Variants in SLIT3 observed in about 807,000 individuals in gnomAD.
SLIT3 encodes the protein slit homolog 3 protein.
In SLIT3, 68 loss-of-function variants were observed where a neutral mutation model predicts 184.0. That is an observed-to-expected ratio of 0.37 (90% CI 0.30 to 0.45). SLIT3 has a LOEUF of 0.45. Among genes scored for constraint, SLIT3 ranks in the 20% least tolerant of loss-of-function variants. The pLI is 1.00. For synonymous variants in SLIT3, 831 were observed against 828.6 expected, an observed-to-expected ratio of 1.00 and a Z score of -0.05; for missense variants, 1,707 against 2,026.0, an observed-to-expected ratio of 0.84 and a Z score of 3.02.
At position 168,742,628 on chromosome 5, in the gene SLIT3, A is replaced by G. The variant is rs1190314047; in HGVS notation, c.2270+5674T>C. ...TAGAGGAGGAGTCATGACAGTGATA[A>G]CAATCATCATAGCTAATGTGACTGA... On this transcript the variant is annotated intron_variant, in intron 20 of 35. Coordinates refer to ENST00000519560, the MANE Select transcript of SLIT3 (RefSeq NM_003062.4). Among the ~76,000 whole-genome samples, 8 of 128,256 alleles carry G rather than the reference A, an allele frequency of 6.2e-5. 1 individual carries two copies. The highest frequency in any genetic ancestry group is 2.5e-4 in the African/African-American group (8 of 31,690). The allele number at this position is 128,256 out of a possible 152,430, so 84.1% of individuals were successfully genotyped here.
Position 168,753,007 on chromosome 5 carries a change from T to A in SLIT3, c.1921A>T (p.Ile641Phe). Reference protein sequence around the residue: ...VRLLSLYDNRITTITPGAFTT... With the variant: ...VRLLSLYDNRFTTITPGAFTT... Reference sequence around the variant, plus strand: ...AAGGCCCCAGGGGTGATGGTGGTGATCCGATTGTCATAGAGGGACAGCAGT... The same window carrying A: ...AAGGCCCCAGGGGTGATGGTGGTGAACCGATTGTCATAGAGGGACAGCAGT... The change falls in exon 18 of 36, where the codon ATC becomes TTC. Residue 641 changes from isoleucine to phenylalanine, a missense_variant. Ile to Phe is a conservative substitution (Grantham distance 21, BLOSUM62 0). Transcript: ENST00000519560. The A allele has an allele frequency of 6.2e-7, 1 of 1,613,902 alleles. No homozygotes were observed. The highest frequency in any genetic ancestry group is 8.5e-7 in the Non-Finnish European group (1 of 1,179,980).
In SLIT3 at chr5:168,762,683, T is replaced by C. The variant is rs748107046; in HGVS notation, c.1466A>G (p.Glu489Gly). 3 of 1,613,412 alleles carry C rather than the reference T, an allele frequency of 1.9e-6. No individual in the cohort carries two copies. In the South Asian group the frequency reaches 3.3e-5, roughly 18 times the overall value. ...GCTGCTGAACCTGCTGCGGTAATCC[T>C]CGGAGCCTGGGAGGGGCCAAAGAGG... ...KSKKFRCSGS[E>G]DYRSRFSSEC... Residue 489 changes from glutamate to glycine, a missense_variant, in exon 15 of 36, where the codon GAG (glutamate) becomes GGG (glycine). Glu to Gly is a moderately conservative substitution (Grantham distance 98). This residue lies in a region of SLIT3 where 1,307 missense variants were observed against 1,511.6 expected (regional missense o/e 0.86). Transcript: ENST00000519560.
chr5:169,026,052 G>C (rs1756810041), intron 4 of SLIT3, among the ~76,000 whole-genome samples: 1 of 151,996 alleles, frequency 6.6e-6, no homozygotes, highest in African/African-American at 2.4e-5. Flanking sequence ...TTTGACTCTG[G>C]GTTTATTAAC....
In SLIT3 at chr5:168,671,447, T is replaced by C. The variant is rs572940598; in HGVS notation, c.3878A>G (p.Gln1293Arg). 6 of 1,613,222 alleles carry C rather than the reference T, an allele frequency of 3.7e-6. No homozygotes were observed. Among genetic ancestry groups the C allele is most frequent in the Non-Finnish European group, 5.1e-6 (6 of 1,179,804 alleles). Reference protein sequence around the residue: ...PTSTGLSALRQGTDRPLGGFH... With the variant: ...PTSTGLSALRRGTDRPLGGFH... ...GCCGCCTAGAGGCCGGTCCGTGCCC[T>C]GGCGCAAGGCAGAGAGGCCGGTGGA... Residue 1293 changes from glutamine to arginine, a missense_variant, in exon 34 of 36, where the codon CAG (glutamine) becomes CGG (arginine). Transcript: ENST00000519560.
At chr5:169,156,520 AT>A (rs1762310934) in intron 4 of SLIT3, among the ~76,000 whole-genome samples, 1 of 152,224 alleles carries the variant, frequency 6.6e-6, no homozygotes. Flanking sequence ...GGGAAGGCAC[AT>A]CTGTGCCCAT....
At chr5:169,032,450 A>T (rs1461148511) in intron 4 of SLIT3, among the ~76,000 whole-genome samples, 1 of 152,176 alleles carries the variant, frequency 6.6e-6, no homozygotes, top group Non-Finnish European at 1.5e-5. Context: ...AGAATTATAA[A>T]AATAGTCATA....
chr5:168,754,147 C>T (rs1754813106), intron 16 of SLIT3, 140 bp from the exon 17 acceptor site: 1 of 809,820 alleles, frequency 1.2e-6, no homozygotes, highest in South Asian at 1.8e-5. Flanking sequence ...GGAGCTCAGT[C>T]TGGGGCTCCC....
chr5:169,280,882 C>T (rs184742226), intron 1 of SLIT3, among the ~76,000 whole-genome samples: 2 of 152,276 alleles, frequency 1.3e-5, no homozygotes, highest in East Asian at 3.9e-4. Context: ...ATACATATAA[C>T]ACAGTGTGGT....
At chr5:168,911,108 G>A (rs531709288) in intron 4 of SLIT3, among the ~76,000 whole-genome samples, 2 of 152,264 alleles carry the variant, frequency 1.3e-5, no homozygotes, top group Non-Finnish European at 1.5e-5. Flanking sequence ...CTCTCTGCCT[G>A]TAACTCTCCT....
chr5:169,236,530 G>A (rs1468006338), intron 3 of SLIT3, among the ~76,000 whole-genome samples: 1 of 151,602 alleles, frequency 6.6e-6, no homozygotes, highest in East Asian at 1.9e-4. Flanking sequence ...GAGTGCAGTG[G>A]TGTGATCTTG....
Position 168,915,403 on chromosome 5 carries a change from G to A in SLIT3, c.414-32067C>T, listed in dbSNP as rs937794216. 9.1e-4 allele frequency among the ~76,000 whole-genome samples: 138 copies of A among 152,146 alleles called. 1 individual carries two copies. The highest frequency in any genetic ancestry group is 3.9e-4 in the Admixed American group (6 of 15,288). Reference sequence around the variant, plus strand: ...TACAATAGAGCAATTGATCAATCTCGGCATGACAACAGTGAACCAATCGAG... The same window carrying A: ...TACAATAGAGCAATTGATCAATCTCAGCATGACAACAGTGAACCAATCGAG... On this transcript the variant is annotated intron_variant, in intron 4 of 35. Transcript: ENST00000519560.
At chr5:169,014,412 G>T (rs115293400) in intron 4 of SLIT3, among the ~76,000 whole-genome samples, 2,730 of 152,312 alleles carry the variant, frequency 0.018, 31 homozygotes, top group Non-Finnish European at 0.027. Context: ...TGAAGTACTG[G>T]TGGGGGAGAG....
intron 3 of SLIT3, among the ~76,000 whole-genome samples, chr5:169,201,892 A>C (rs1206497588): frequency 2.6e-5 from 4 of 152,238 alleles, no homozygotes; most frequent in African/African-American, 9.6e-5. Flanking sequence ...TATTTTGTTG[A>C]GGACTATCTT....
chr5:169,285,449 T>G (rs1767123271), intron 1 of SLIT3, among the ~76,000 whole-genome samples: 1 of 152,214 alleles, frequency 6.6e-6, no homozygotes, highest in East Asian at 1.9e-4. Context: ...ATCATAACTA[T>G]ATAGCTGTGG....
intron 4 of SLIT3, among the ~76,000 whole-genome samples, chr5:168,996,953 G>A (rs546818711): frequency 1.3e-5 from 2 of 152,256 alleles, no homozygotes; most frequent in Non-Finnish European, 2.9e-5. Flanking sequence ...TTCAGCTTCT[G>A]CAGGACCATC....
At chr5:168,684,460 G>T (rs1481802188) in intron 31 of SLIT3, among the ~76,000 whole-genome samples, 1 of 152,148 alleles carries the variant, frequency 6.6e-6, no homozygotes, top group African/African-American at 2.4e-5. Flanking sequence ...GTATAAAGAA[G>T]AATAATAAGT....
intron 29 of SLIT3, 144 bp from the exon 30 acceptor site, chr5:168,687,260 CAGCAGGTTTCCCTGG>C (rs1161107687): frequency 1.4e-5 from 13 of 910,910 alleles, no homozygotes; most frequent in Non-Finnish European, 2.0e-5. Context: ...CCTGGCTCCA[CAGCAGGTTTCCCTGG>C]TGGCCCATGG....
chr5:169,092,046 A>G (rs904540612), intron 4 of SLIT3, among the ~76,000 whole-genome samples: 1 of 152,112 alleles, frequency 6.6e-6, no homozygotes, highest in Admixed American at 6.5e-5. Flanking sequence ...ACATGGTGAC[A>G]CCCCATCTCT....
At chr5:168,712,223 G>A (rs1762581297) in intron 24 of SLIT3, 60 bp downstream of exon 24, 5 of 1,435,604 alleles carry the variant, frequency 3.5e-6, no homozygotes, top group East Asian at 2.3e-5. Context: ...TGACATTGTC[G>A]CTGACACTTT....
Sources: gnomAD v4.1 joint callset for allele counts (sites outside exome capture counted in the v4.1 genomes callset) on GRCh38, gnomAD v4.1.1 for gene constraint, gnomAD v4.1.1 regional missense constraint, MANE v1.5 for transcripts, NCBI Gene and HGNC (gene_info 2026-07-23, HGNC 2026-07-21) for gene names.